Variants in ANKRD26 observed in about 807,000 individuals in gnomAD.
ANKRD26 encodes the protein ankyrin repeat domain-containing protein 26.
Under a neutral mutation model 208.7 loss-of-function variants are expected in ANKRD26, and 141 were observed. That is an observed-to-expected ratio of 0.68 (90% CI 0.59 to 0.78). ANKRD26 has a LOEUF of 0.78. ANKRD26 is among the 30% of genes least tolerant of loss of function. ANKRD26 has a pLI of 0.00. For synonymous variants in ANKRD26, 636 were observed against 660.4 expected, an observed-to-expected ratio of 0.96 and a Z score of 0.57; for missense variants, 1,889 against 1,938.7, an observed-to-expected ratio of 0.97 and a Z score of 0.48.
chr10:27,044,064 G>A, intron 19 of ANKRD26, 93 bp downstream of exon 19: 2 of 967,996 alleles, frequency 2.1e-6, no homozygotes, highest in Middle Eastern at 3.7e-4. Flanking sequence ...AAAGTGCTGA[G>A]ATTACAGGTG....
At chr10:27,011,114 C>T (rs1347441954) in intron 32 of ANKRD26, among the ~76,000 whole-genome samples, 2 of 152,182 alleles carry the variant, frequency 1.3e-5, no homozygotes, top group African/African-American at 2.4e-5. Flanking sequence ...CATGAGTCTA[C>T]ACTTTTTTTC....
intron 15 of ANKRD26, among the ~76,000 whole-genome samples, chr10:27,055,525 T>G (rs1374522820): frequency 6.6e-6 from 1 of 152,226 alleles, no homozygotes; most frequent in Non-Finnish European, 1.5e-5. Flanking sequence ...CCAGATCACA[T>G]GATTAAGGGC....
At chr10:27,086,435 T>A in intron 5 of ANKRD26, 104 bp downstream of exon 5, 1 of 1,460,272 alleles carries the variant, frequency 6.8e-7, no homozygotes, top group Non-Finnish European at 9.3e-7. Flanking sequence ...ATGCACCTTA[T>A]ACACTGATTT....
chr10:26,958,304 T>G, the ANKRD26 span, among the ~76,000 whole-genome samples: 2 of 152,200 alleles, frequency 1.3e-5, no homozygotes, highest in South Asian at 4.2e-4. Context: ...TAGCCTGGTT[T>G]CGAACTCCTG....
At chr10:27,078,007 G>A (rs2055761857) in intron 7 of ANKRD26, among the ~76,000 whole-genome samples, 1 of 151,962 alleles carries the variant, frequency 6.6e-6, no homozygotes, top group South Asian at 2.1e-4. Flanking sequence ...TTTTTTCCTA[G>A]GTAGAGTATT....
intron 5 of ANKRD26, among the ~76,000 whole-genome samples, chr10:26,977,009 T>C (rs1018660506): frequency 5.9e-5 from 9 of 152,196 alleles, no homozygotes; most frequent in African/African-American, 2.4e-5. Flanking sequence ...GTTCCTTCAG[T>C]GTTTGGCAGT....
chr10:26,994,882 G>A (rs186433948), intron 5 of ANKRD26, among the ~76,000 whole-genome samples: 5 of 152,282 alleles, frequency 3.3e-5, no homozygotes, highest in Admixed American at 2.6e-4. Context: ...CATAGAGCTC[G>A]CCAATTGAAA....
intron 6 of ANKRD26, among the ~76,000 whole-genome samples, chr10:27,081,937 C>T (rs528084750): frequency 4.6e-5 from 7 of 151,664 alleles, no homozygotes; most frequent in South Asian, 4.2e-4. Flanking sequence ...AGGGTTTCAC[C>T]GTGTTAGCCA....
At chr10:27,026,031 CTT>C (rs373672496) in intron 27 of ANKRD26, among the ~76,000 whole-genome samples, 1 of 152,258 alleles carries the variant, frequency 6.6e-6, no homozygotes, top group African/African-American at 2.4e-5. Flanking sequence ...CATACTTTGT[CTT>C]TGTTTTTCTT....
At chr10:27,060,117 C>G (rs2054996930) in intron 15 of ANKRD26, among the ~76,000 whole-genome samples, 1 of 149,282 alleles carries the variant, frequency 6.7e-6, no homozygotes, top group Non-Finnish European at 1.5e-5. Flanking sequence ...GCAGGAGAAT[C>G]ACTTGAACCT....
chr10:27,031,776 G>T (rs1373563727), intron 25 of ANKRD26, among the ~76,000 whole-genome samples: 1 of 152,070 alleles, frequency 6.6e-6, no homozygotes, highest in Non-Finnish European at 1.5e-5. Flanking sequence ...TAGTTTAGAT[G>T]TACATGCTAT....
At chr10:27,001,178 C>T (rs1051179043), downstream of ANKRD26, among the ~76,000 whole-genome samples, 2 of 152,132 alleles carry the variant, frequency 1.3e-5, no homozygotes, top group African/African-American at 4.8e-5. Context: ...TCTTCCTGAA[C>T]ATTTCGGTTC....
chr10:27,076,616 GA>G (rs1008667814), intron 9 of ANKRD26, among the ~76,000 whole-genome samples: 2 of 151,878 alleles, frequency 1.3e-5, no homozygotes, highest in African/African-American at 2.4e-5. Context: ...CATTAACTAA[GA>G]AAAGAGAGAA....
chr10:27,039,610 G>A (rs915446809), intron 21 of ANKRD26, among the ~76,000 whole-genome samples: 1 of 151,922 alleles, frequency 6.6e-6, no homozygotes, highest in Non-Finnish European at 1.5e-5. Flanking sequence ...ATTCTATATT[G>A]AAGAATTTAT....
chr10:26,953,519 A>G, the ANKRD26 span, among the ~76,000 whole-genome samples: 1 of 152,242 alleles, frequency 6.6e-6, no homozygotes, highest in Non-Finnish European at 1.5e-5. Flanking sequence ...TACTAGATAA[A>G]TGATCAATGA....
chr10:26,999,620 G>A (rs935620295), downstream of ANKRD26, among the ~76,000 whole-genome samples: 1 of 152,034 alleles, frequency 6.6e-6, no homozygotes, highest in Non-Finnish European at 1.5e-5. Flanking sequence ...AACCTCATTG[G>A]AGCCACTGCT....
chr10:27,003,375 T>C (rs374530324), downstream of ANKRD26, among the ~76,000 whole-genome samples: 3 of 152,278 alleles, frequency 2.0e-5, no homozygotes, highest in Non-Finnish European at 2.9e-5. Flanking sequence ...TTTATCAATA[T>C]AGAAGGGATG....
chr10:26,987,739 A>T (rs2052414401), downstream of ANKRD26, among the ~76,000 whole-genome samples: 1 of 152,198 alleles, frequency 6.6e-6, no homozygotes, highest in Non-Finnish European at 1.5e-5. Flanking sequence ...TCTTCATAGA[A>T]AGTTAATCTA....
chr10:27,005,847 A>G, intron 33 of ANKRD26, 124 bp from the exon 34 acceptor site: 2 of 1,178,928 alleles, frequency 1.7e-6, no homozygotes, highest in Non-Finnish European at 2.3e-6. Flanking sequence ...TGTATGCACA[A>G]CTATTATACA....
Sources: gnomAD v4.1 joint callset for allele counts (sites outside exome capture counted in the v4.1 genomes callset) on GRCh38, gnomAD v4.1.1 for gene constraint, MANE v1.5 for transcripts, NCBI Gene and HGNC (gene_info 2026-07-23, HGNC 2026-07-21) for gene names.